DNAH9: variants seen among roughly 807,000 people sequenced by gnomAD.
DNAH9 encodes the protein dynein axonemal heavy chain 9, also known as DNAH9 variant protein.
DNAH9 carries 345 observed loss-of-function variants against 471.6 expected under a neutral mutation model. The ratio of observed to expected loss-of-function variants is 0.73; its 90% CI spans 0.67 to 0.80. The LOEUF is 0.80. DNAH9 is among the 30% of genes least tolerant of loss of function. The probability of loss-of-function intolerance (pLI) is 0.00; values close to 1 mark genes in which losing one functional copy is unlikely to be tolerated. For synonymous variants in DNAH9, 2,093 were observed against 2,123.6 expected (o/e 0.99, Z 0.40); for missense variants, 5,407 against 5,609.2 (o/e 0.96, Z 1.15).
intron 26 of DNAH9, among the ~76,000 whole-genome samples, chr17:11,710,084 G>A (rs538313465): frequency 6.6e-6 from 1 of 152,068 alleles, no homozygotes; most frequent in Admixed American, 6.6e-5. Context: ...TTAATATGTA[G>A]TTTGTTTCAT....
At chr17:11,872,626 GT>G (rs1438791427) in intron 52 of DNAH9, among the ~76,000 whole-genome samples, 3 of 152,158 alleles carry the variant, frequency 2.0e-5, no homozygotes, top group Non-Finnish European at 4.4e-5. Context: ...GCTCATAGAA[GT>G]CAGCGAAGGT....
chr17:11,762,770 G>GTTTTGTTTTTTTTTTTTTT (rs1967747335), intron 35 of DNAH9, among the ~76,000 whole-genome samples: 1 of 90,744 alleles, frequency 1.1e-5, no homozygotes, highest in Admixed American at 1.4e-4. Context: ...TTTTTTTTTT[G>GTTTTGTTTTTTTTTTTTTT]TTTTTTTTTT....
intron 38 of DNAH9, among the ~76,000 whole-genome samples, chr17:11,774,191 G>A (rs930740037): frequency 3.3e-5 from 5 of 150,612 alleles, no homozygotes; most frequent in South Asian, 4.2e-4. Flanking sequence ...CACCCCTGTC[G>A]CTCCTTTCTC....
chr17:11,669,865 T>A, intron 17 of DNAH9, 71 bp downstream of exon 17: 1 of 1,344,334 alleles, frequency 7.4e-7, no homozygotes, highest in Non-Finnish European at 1.0e-6. Flanking sequence ...AAACCTTTTT[T>A]ATATTTTTTC....
chr17:11,948,207 G>A (rs1169531303), intron 67 of DNAH9, among the ~76,000 whole-genome samples: 2 of 150,960 alleles, frequency 1.3e-5, no homozygotes, highest in African/African-American at 4.9e-5. Flanking sequence ...CTTGCTGACT[G>A]GGGATCTAAT....
intron 51 of DNAH9, among the ~76,000 whole-genome samples, chr17:11,869,951 C>T (rs918977247): frequency 6.6e-6 from 1 of 152,124 alleles, no homozygotes; most frequent in African/African-American, 2.4e-5. Context: ...GCTGGAGGCC[C>T]CCGAGATGAC....
intron 49 of DNAH9, among the ~76,000 whole-genome samples, chr17:11,848,796 T>G (rs982615655): frequency 1.3e-5 from 2 of 151,370 alleles, no homozygotes; most frequent in African/African-American, 4.9e-5. Flanking sequence ...ATATACAGAC[T>G]TTTTAAAAAT....
chr17:11,722,263 TAAG>T (rs536019058), intron 27 of DNAH9, among the ~76,000 whole-genome samples: 314 of 151,964 alleles, frequency 2.1e-3, no homozygotes, highest in African/African-American at 7.0e-3. Context: ...AAACAGGAGA[TAAG>T]GAGGGGAAGG....
Position 11,768,774 on chromosome 17 carries a change from A to G in DNAH9, c.7344+148A>G, listed in dbSNP as rs539334079. ...GCTCCATGACTTTGCAGAGGAGATG[A>G]TGGGTGTAATGAAGTCACAGATTCT... On this transcript the variant is annotated intron_variant, in intron 37 of 68. Coordinates refer to ENST00000262442, the MANE Select transcript of DNAH9 (RefSeq NM_001372.4). 184 of 973,522 alleles carry G rather than the reference A, an allele frequency of 1.9e-4. 1 individual carries two copies. Among genetic ancestry groups the G allele is most frequent in the Middle Eastern group, 6.6e-4 (2 of 3,050 alleles). 60.3% of individuals were successfully genotyped at this position (973,522 alleles called of 1,614,324 possible). A position where few individuals can be genotyped will look rare whatever the true frequency, so the allele number is the denominator to read the frequency against.
At chr17:11,926,526 CT>C (rs1281600671) in intron 62 of DNAH9, among the ~76,000 whole-genome samples, 1 of 152,188 alleles carries the variant, frequency 6.6e-6, no homozygotes, top group Non-Finnish European at 1.5e-5. Flanking sequence ...TCTGTTCCCG[CT>C]TTAGTTTGCT....
intron 49 of DNAH9, among the ~76,000 whole-genome samples, chr17:11,840,835 G>C (rs1971006753): frequency 6.6e-6 from 1 of 152,132 alleles, no homozygotes; most frequent in Non-Finnish European, 1.5e-5. Flanking sequence ...AAGCTGAAAA[G>C]GGTGTGCAAC....
At chr17:11,640,235 A>G in intron 9 of DNAH9, 35 bp from the exon 10 acceptor site, 1 of 1,350,582 alleles carries the variant, frequency 7.4e-7, no homozygotes, top group Non-Finnish European at 1.1e-6. Context: ...GAGGTGCTCT[A>G]GACTCATTTC....
chr17:11,895,309 A>T (rs969504461), intron 59 of DNAH9, among the ~76,000 whole-genome samples: 2 of 152,216 alleles, frequency 1.3e-5, no homozygotes, highest in South Asian at 4.1e-4. Flanking sequence ...CCATGCAGGC[A>T]GTTGAGTGAA....
intron 15 of DNAH9, among the ~76,000 whole-genome samples, chr17:11,668,589 C>T (rs1015383916): frequency 2.7e-5 from 4 of 148,846 alleles, no homozygotes; most frequent in East Asian, 2.0e-4. Context: ...CTCTTGAACC[C>T]GGGAGGTGGA....
intron 19 of DNAH9, among the ~76,000 whole-genome samples, chr17:11,684,401 C>T (rs938034413): frequency 2.6e-5 from 4 of 152,034 alleles, no homozygotes; most frequent in African/African-American, 9.7e-5. Context: ...CGGTGAGAGC[C>T]GAGCTCTCAC....
At chr17:11,600,559 C>T (rs1012508144) in intron 1 of DNAH9, among the ~76,000 whole-genome samples, 1 of 152,172 alleles carries the variant, frequency 6.6e-6, no homozygotes, top group Non-Finnish European at 1.5e-5. Flanking sequence ...TGGAGACAAA[C>T]AATGTTCATC....
intron 30 of DNAH9, among the ~76,000 whole-genome samples, chr17:11,744,013 A>G (rs759328595): frequency 2.2e-4 from 34 of 152,036 alleles, no homozygotes; most frequent in Non-Finnish European, 2.9e-4. Flanking sequence ...TATTTTCAGT[A>G]GAGACGAGGT....
chr17:11,637,835 C>T (rs907715705), intron 9 of DNAH9, among the ~76,000 whole-genome samples: 3 of 151,944 alleles, frequency 2.0e-5, no homozygotes, highest in Admixed American at 1.3e-4. Context: ...ATGGGAGATT[C>T]GAGGGCAGGC....
chr17:11,690,679 T>A (rs2074319687), intron 20 of DNAH9, among the ~76,000 whole-genome samples: 1 of 143,352 alleles, frequency 7.0e-6, no homozygotes, highest in Non-Finnish European at 1.5e-5. Flanking sequence ...AAGGAAAACC[T>A]CATTCAGAAA....
Sources: allele counts gnomAD v4.1 joint callset (sites outside exome capture counted in the v4.1 genomes callset), GRCh38; gene constraint gnomAD v4.1.1; transcripts MANE v1.5; gene names NCBI Gene and HGNC (gene_info 2026-07-23, HGNC 2026-07-21).